The following RB1 variants were observed in gnomAD, a reference collection of about 807,000 sequenced individuals.
RB1 encodes RB transcriptional corepressor 1.
In RB1, 18 loss-of-function variants were observed where a neutral mutation model predicts 135.4. That is an observed-to-expected ratio of 0.13 (90% confidence interval 0.09 to 0.20). The LOEUF is 0.20. Among genes scored for constraint, RB1 ranks in the 10% least tolerant of loss-of-function variants. The pLI, the probability that RB1 is intolerant of heterozygous loss-of-function variation, is 1.00. For missense variants in RB1, 868 were observed against 1,110.0 expected (o/e 0.78, Z 3.10); for synonymous variants, 365 against 373.2 (o/e 0.98, Z 0.25).
chr13:48,364,558 A>G (rs191865883), intron 8 of RB1, among the ~76,000 whole-genome samples: 57 of 152,290 alleles, frequency 3.7e-4, no homozygotes, highest in African/African-American at 1.3e-3. Context: ...GCTTCCAGTC[A>G]ACAGTAGGCT....
intron 17 of RB1, among the ~76,000 whole-genome samples, chr13:48,397,580 C>T (rs1007649520): frequency 4.6e-5 from 7 of 152,030 alleles, no homozygotes; most frequent in South Asian, 2.1e-4. Flanking sequence ...CACCATGGCA[C>T]GCGTATACCT....
chr13:48,307,463 C>T (rs2138034807), intron 2 of RB1, 57 bp downstream of exon 2: 1 of 1,492,106 alleles, frequency 6.7e-7, no homozygotes, highest in Non-Finnish European at 9.3e-7. Context: ...AAAACAACTT[C>T]AAATCACTAT....
intron 17 of RB1, among the ~76,000 whole-genome samples, chr13:48,399,884 A>T (rs995006192): frequency 5.9e-5 from 9 of 152,032 alleles, no homozygotes; most frequent in African/African-American, 1.9e-4. Context: ...CTGACATATG[A>T]AAAAATGCCA....
intron 2 of RB1, among the ~76,000 whole-genome samples, chr13:48,322,810 A>G (rs1380379681): frequency 1.3e-5 from 2 of 152,154 alleles, no homozygotes; most frequent in African/African-American, 4.8e-5. Context: ...GAAATGGTGT[A>G]GTATATTAGT....
At chr13:48,378,574 A>C (rs951451342) in intron 13 of RB1, among the ~76,000 whole-genome samples, 2 of 151,312 alleles carry the variant, frequency 1.3e-5, no homozygotes, top group African/African-American at 2.4e-5. Context: ...GGTGTTTTAC[A>C]TTTAACTTTT....
At chr13:48,363,180 T>C (rs1952659258) in intron 8 of RB1, among the ~76,000 whole-genome samples, 1 of 151,830 alleles carries the variant, frequency 6.6e-6, no homozygotes, top group African/African-American at 2.4e-5. Flanking sequence ...AAGTATATAA[T>C]CAAGACAATA....
At chr13:48,436,488 C>T (rs531459435) in intron 17 of RB1, among the ~76,000 whole-genome samples, 9 of 152,094 alleles carry the variant, frequency 5.9e-5, no homozygotes, top group Admixed American at 3.3e-4. Context: ...ACTAAAAATA[C>T]AAAAATTAGC....
intron 17 of RB1, among the ~76,000 whole-genome samples, chr13:48,392,444 G>T (rs1414572506): frequency 6.6e-6 from 1 of 151,876 alleles, no homozygotes; most frequent in African/African-American, 2.4e-5. Context: ...TTTCCTGCAG[G>T]TTTTTCTTTC....
chr13:48,368,631 A>C (rs373654885), intron 11 of RB1, 27 bp downstream of exon 11: 49 of 1,603,410 alleles, frequency 3.1e-5, no homozygotes, highest in African/African-American at 5.4e-5. Flanking sequence ...TTTTAATTAT[A>C]TTATAATTTT....
intron 17 of RB1, among the ~76,000 whole-genome samples, chr13:48,432,532 A>T (rs1949141003): frequency 6.6e-6 from 1 of 151,828 alleles, no homozygotes; most frequent in South Asian, 2.1e-4. Context: ...TTTCAGTCAC[A>T]TTCCACCCTG....
At chr13:48,477,721 G>T (rs1949512934) in intron 26 of RB1, among the ~76,000 whole-genome samples, 1 of 152,158 alleles carries the variant, frequency 6.6e-6, no homozygotes. Flanking sequence ...AGCTATTTGG[G>T]AGTGTTAGAT....
chr13:48,450,083 G>A lies in RB1; in HGVS notation c.1696-2910G>A, dbSNP rs555656317. Among the ~76,000 whole-genome samples the A allele has an allele frequency of 2.4e-5, 3 of 122,592 alleles. No individual in the cohort carries two copies. In the South Asian group the frequency reaches 7.5e-4, roughly 31 times the overall value. The allele number at this position is 122,592 out of a possible 152,430, so 80.4% of individuals were successfully genotyped here. The stretch of plus-strand genomic sequence containing the variant: ...CTGTAGGTTGTCTGTGCACTCTGAT[G>A]ATATATATATATTTTTTTTTTTTTG... On this transcript the variant is annotated intron_variant, in intron 17 of 26. Transcript: ENST00000267163.
chr13:48,441,059 T>G (rs1949231988), intron 17 of RB1, among the ~76,000 whole-genome samples: 1 of 152,242 alleles, frequency 6.6e-6, no homozygotes, highest in Non-Finnish European at 1.5e-5. Flanking sequence ...CTGTTCAGTC[T>G]GCTTTAACAA....
intron 11 of RB1, 96 bp downstream of exon 11, chr13:48,368,700 T>C (rs553262323): frequency 1.7e-5 from 25 of 1,494,636 alleles, no homozygotes; most frequent in Non-Finnish European, 2.2e-5. Context: ...TATTCATACA[T>C]ACATGTAAGA....
chr13:48,328,769 C>T (rs1395416643), intron 2 of RB1, among the ~76,000 whole-genome samples: 2 of 152,202 alleles, frequency 1.3e-5, no homozygotes, highest in Non-Finnish European at 2.9e-5. Flanking sequence ...TGCTATAACA[C>T]CTCTCTCATA....
chr13:48,307,404 T>A lies in RB1; in HGVS notation c.262T>A (p.Leu88Met). The A allele has an allele frequency of 6.2e-7, 1 of 1,613,106 alleles. No individual in the cohort carries two copies. Among genetic ancestry groups the A allele is most frequent in the Non-Finnish European group, 8.5e-7 (1 of 1,179,526 alleles). Residue 88 changes from leucine to methionine, a missense_variant and splice_region_variant, in exon 2 of 27, where the codon TTG becomes ATG. By Grantham distance (15) the Leu-to-Met change is conservative (BLOSUM62 2). This residue lies in a region of RB1 where 641 missense variants were observed against 791.3 expected (regional missense o/e 0.81). Transcript: ENST00000267163. ...WEKVSSVDGV[L>M]GGYIQKKKEL... ...GAAAGTTTCATCTGTGGATGGAGTA[T>A]TGGTAAGGATTTTCTTAAAACGTTT... is the stretch of plus-strand genomic sequence containing the variant.
intron 17 of RB1, among the ~76,000 whole-genome samples, chr13:48,382,878 G>A (rs966992136): frequency 3.3e-4 from 50 of 151,928 alleles, no homozygotes; most frequent in Admixed American, 5.9e-4. Flanking sequence ...TGTACAAGGT[G>A]TAAGGAAGGG....
At chr13:48,317,494 C>T (rs1593420415) in intron 2 of RB1, 2 of 456,698 alleles carry the variant, frequency 4.4e-6, no homozygotes, top group South Asian at 2.1e-5. Flanking sequence ...GCTCCCGCAG[C>T]CCATGTGAAA....
At chr13:48,391,516 GGGCTGA>G (rs1452124552) in intron 17 of RB1, 1 of 151,962 alleles carries the variant, frequency 6.6e-6, no homozygotes, top group Non-Finnish European at 1.5e-5. Context: ...ACACTTAGTG[GGGCTGA>G]GGCGGGAGGA....
Sources: allele counts gnomAD v4.1 joint callset (sites outside exome capture counted in the v4.1 genomes callset), GRCh38; gene constraint gnomAD v4.1.1; regional missense constraint gnomAD v4.1.1; transcripts MANE v1.5; gene names NCBI Gene and HGNC (gene_info 2026-07-23, HGNC 2026-07-21).